The following PCNX2 variants were observed in gnomAD, a reference collection of about 807,000 sequenced individuals.
PCNX2 encodes pecanex 2, also known as pecanex-like protein 2.
A neutral mutation model predicts 223.8 loss-of-function variants in PCNX2; 168 were observed. The ratio of observed to expected loss-of-function variants is 0.75; its 90% CI spans 0.66 to 0.85. The LOEUF is 0.85. Ranked by LOEUF, PCNX2 falls within the 40% of genes least tolerant of loss-of-function variation. PCNX2 has a pLI of 0.00. For synonymous variants in PCNX2, 1,006 were observed against 1,052.6 expected (o/e 0.96, Z 0.86); for missense variants, 2,507 against 2,675.5 (o/e 0.94, Z 1.39).
chr1:233,150,783 T>G (rs904398512), intron 19 of PCNX2, among the ~76,000 whole-genome samples: 5 of 152,116 alleles, frequency 3.3e-5, no homozygotes, highest in Non-Finnish European at 7.3e-5. Context: ...AATAAAAATG[T>G]GTCCTTCACA....
intron 1 of PCNX2, among the ~76,000 whole-genome samples, chr1:233,285,482 T>C (rs1661403440): frequency 6.6e-6 from 1 of 151,852 alleles, no homozygotes; most frequent in South Asian, 2.1e-4. Flanking sequence ...GAGACCAGCC[T>C]GGCCAATATG....
At chr1:233,220,393 T>C (rs1657293769) in intron 10 of PCNX2, among the ~76,000 whole-genome samples, 1 of 152,212 alleles carries the variant, frequency 6.6e-6, no homozygotes, top group Non-Finnish European at 1.5e-5. Context: ...CCATTTTGCA[T>C]TCCCACCAGC....
intron 9 of PCNX2, chr1:233,233,035 A>G (rs1286391868): frequency 1.0e-6 from 1 of 985,244 alleles, no homozygotes; most frequent in Non-Finnish European, 1.2e-6. Flanking sequence ...CTGTATTCCT[A>G]CAGATCCTAT....
chr1:233,259,489 G>A, intron 4 of PCNX2, 145 bp from the exon 5 acceptor site: 1 of 1,230,376 alleles, frequency 8.1e-7, no homozygotes, highest in East Asian at 2.6e-5. Flanking sequence ...TAAGTTCTGG[G>A]TTACATGTGC....
Position 233,261,975 on chromosome 1 carries a change from A to G in PCNX2, c.480+70T>C, listed in dbSNP as rs1216410094. On this transcript the variant is annotated intron_variant, in intron 3 of 33. Coordinates refer to ENST00000258229, the MANE Select transcript of PCNX2 (RefSeq NM_014801.4). The stretch of plus-strand genomic sequence containing the variant: ...CAAGCTACAATCACTGCTGCTGAAC[A>G]CTCCCATTCTAGGTGAGATCAACAT... 2.5e-6 allele frequency: 4 copies of G among 1,586,636 alleles called. No homozygotes were observed. The Admixed American group carries it at 5.0e-5, about 20-fold the overall frequency.
At chr1:233,217,805 G>C in intron 12 of PCNX2, 94 bp downstream of exon 12, 3 of 1,359,824 alleles carry the variant, frequency 2.2e-6, no homozygotes, top group Non-Finnish European at 3.1e-6. Flanking sequence ...AGAGAGCTAG[G>C]TACAGACTTG....
rs1558272630 is a variant in PCNX2 at position 233,139,863 on chromosome 1, A to C, written c.3518-8T>G. On this transcript the variant is annotated splice_region_variant and splice_polypyrimidine_tract_variant and intron_variant, in intron 19 of 33. Transcript: ENST00000258229. The surrounding 1 kb of genome is among the most constrained non-coding windows in gnomAD (Gnocchi z 4.4). ...ACATTAAATGGGCAACATCTGAAAGAAATATAAAAACCACTTAGAACAACC... is the reference window on the plus strand; with the variant it reads ...ACATTAAATGGGCAACATCTGAAAGCAATATAAAAACCACTTAGAACAACC... 1 of 1,610,018 alleles carries C rather than the reference A, an allele frequency of 6.2e-7. No individual in the cohort carries two copies. Among genetic ancestry groups the C allele is most frequent in the East Asian group, 2.2e-5 (1 of 44,840 alleles).
chr1:233,058,174 C>T, intron 23 of PCNX2: 2 of 543,288 alleles, frequency 3.7e-6, no homozygotes, highest in Non-Finnish European at 4.7e-6. Flanking sequence ...ATGACAACCC[C>T]TGGCTTCTGA....
intron 8 of PCNX2, among the ~76,000 whole-genome samples, chr1:233,241,035 C>T (rs1014977531): frequency 2.6e-5 from 4 of 152,164 alleles, no homozygotes; most frequent in African/African-American, 9.7e-5. Context: ...GGGACATGGG[C>T]ACAAGGCGCA....
rs1259227002 is a variant in PCNX2 at position 232,990,979 on chromosome 1, T to G, written c.5792-4439A>C. ...GTGGGGAGAGTGGGGAAGAGGGTGG[T>G]GTGGTCTTCACATGTGCTCCTGTCA... On this transcript the variant is annotated intron_variant, in intron 32 of 33. Coordinates refer to ENST00000258229, the MANE Select transcript of PCNX2 (RefSeq NM_014801.4). This position sits in a 1 kb window ranked among gnomAD's most constrained non-coding sequence, Gnocchi z 4.3. Among the ~76,000 whole-genome samples, 1 of 152,070 alleles carries G rather than the reference T, an allele frequency of 6.6e-6. No individual in the cohort carries two copies. The highest frequency in any genetic ancestry group is 1.5e-5 in the Non-Finnish European group (1 of 68,002).
chr1:233,062,028 G>T (rs962147815), intron 23 of PCNX2, among the ~76,000 whole-genome samples: 74 of 152,258 alleles, frequency 4.9e-4, no homozygotes, highest in African/African-American at 1.8e-3. Context: ...CAAAGTGCTG[G>T]GATTACAGGC....
At chr1:233,109,942 G>T (rs1393444982) in intron 21 of PCNX2, among the ~76,000 whole-genome samples, 1 of 152,026 alleles carries the variant, frequency 6.6e-6, no homozygotes, top group Non-Finnish European at 1.5e-5. Context: ...ATAAAAATTA[G>T]CCGGGCTGTG....
At chr1:233,260,950 G>A (rs1250216959) in intron 4 of PCNX2, among the ~76,000 whole-genome samples, 2 of 152,044 alleles carry the variant, frequency 1.3e-5, no homozygotes, top group African/African-American at 4.8e-5. Context: ...TGATGTATAT[G>A]CTATAATACA....
At chr1:233,084,999 C>A (rs575454995) in intron 23 of PCNX2, among the ~76,000 whole-genome samples, 2 of 152,312 alleles carry the variant, frequency 1.3e-5, no homozygotes, top group African/African-American at 4.8e-5. Context: ...ATTAGGATTT[C>A]TATTTCCTCT....
intron 22 of PCNX2, among the ~76,000 whole-genome samples, chr1:233,091,530 G>A (rs1673870257): frequency 6.6e-6 from 1 of 152,102 alleles, no homozygotes; most frequent in African/African-American, 2.4e-5. Flanking sequence ...TGAGTCTTGT[G>A]CTGTCCACAC....
chr1:233,305,558 C>T, the PCNX2 span, among the ~76,000 whole-genome samples: 1 of 152,136 alleles, frequency 6.6e-6, no homozygotes, highest in African/African-American at 2.4e-5. Context: ...GATCCTCCCC[C>T]ACTCAACCTC....
intron 17 of PCNX2, among the ~76,000 whole-genome samples, chr1:233,165,253 G>C (rs1678721349): frequency 6.6e-6 from 1 of 152,206 alleles, no homozygotes; most frequent in African/African-American, 2.4e-5. Flanking sequence ...AGTTCCAGTT[G>C]CTCCATAGTC....
intron 21 of PCNX2, among the ~76,000 whole-genome samples, chr1:233,114,047 T>G (rs149610870): frequency 3.3e-5 from 5 of 152,318 alleles, no homozygotes; most frequent in African/African-American, 1.2e-4. Context: ...AGGAACTTAA[T>G]AATAGTGGGA....
intron 26 of PCNX2, among the ~76,000 whole-genome samples, chr1:233,019,965 T>C (rs555628873): frequency 6.6e-6 from 1 of 152,306 alleles, no homozygotes; most frequent in East Asian, 1.9e-4. Flanking sequence ...TTGGTCTCTC[T>C]AAACATCTAG....
Sources: gnomAD v4.1 joint callset for allele counts (sites outside exome capture counted in the v4.1 genomes callset) on GRCh38, gnomAD v4.1.1 for gene constraint, Gnocchi (gnomAD v3.1) non-coding constraint, MANE v1.5 for transcripts, NCBI Gene and HGNC (gene_info 2026-07-23, HGNC 2026-07-21) for gene names.